Variants in ATP10D observed in about 807,000 individuals in gnomAD.
ATP10D encodes the protein phospholipid-transporting ATPase VD.
A neutral mutation model predicts 144.8 loss-of-function variants in ATP10D; 89 were observed. The observed-to-expected ratio is 0.61, with a 90% CI of 0.52 to 0.73. The LOEUF (loss-of-function observed/expected upper bound fraction) is 0.73, where lower values mean the gene tolerates loss of function less well. Among genes scored for constraint, ATP10D ranks in the 30% least tolerant of loss-of-function variants. The pLI, the probability that ATP10D is intolerant of heterozygous loss-of-function variation, is 0.00. For synonymous variants in ATP10D, 571 were observed against 615.1 expected, an observed-to-expected ratio of 0.93 and a Z score of 1.06; for missense variants, 1,603 against 1,714.8, an observed-to-expected ratio of 0.93 and a Z score of 1.15.
chr4:47,504,728 A>G (rs1374328914), intron 1 of ATP10D, among the ~76,000 whole-genome samples: 1 of 152,084 alleles, frequency 6.6e-6, no homozygotes, highest in Non-Finnish European at 1.5e-5. Context: ...ACGCCTGGCT[A>G]ATTTTTTTGC....
At chr4:47,490,860 A>G in intron 1 of ATP10D, 1 of 374,830 alleles carries the variant, frequency 2.7e-6, no homozygotes. Flanking sequence ...CACATTATTC[A>G]GGTTTTCCAG....
At chr4:47,513,146 T>G (rs1233293739) in intron 2 of ATP10D, among the ~76,000 whole-genome samples, 4 of 152,226 alleles carry the variant, frequency 2.6e-5, no homozygotes, top group African/African-American at 7.2e-5. Context: ...GGGGGTCTTC[T>G]TACTCTTGCT....
chr4:47,514,231 T>C (rs1021859923), intron 2 of ATP10D, among the ~76,000 whole-genome samples: 1 of 152,260 alleles, frequency 6.6e-6, no homozygotes, highest in Admixed American at 6.5e-5. Context: ...ATAGTGGCTA[T>C]GTTTAAAGGA....
chr4:47,512,990 A>C, intron 2 of ATP10D, 160 bp downstream of exon 2: 1 of 675,070 alleles, frequency 1.5e-6, no homozygotes, highest in Non-Finnish European at 2.4e-6. Flanking sequence ...GACTCCTCCC[A>C]TTCACGTAGC....
chr4:47,495,317 TA>T (rs200277047), intron 1 of ATP10D, among the ~76,000 whole-genome samples: 1 of 150,876 alleles, frequency 6.6e-6, no homozygotes. Context: ...AGTTGTGCTT[TA>T]AAAAAAAAGG....
Position 47,505,363 on chromosome 4 carries a change from T to C in ATP10D, c.-37-7141T>C, listed in dbSNP as rs534901391. 4.1e-4 allele frequency among the ~76,000 whole-genome samples: 63 copies of C among 152,354 alleles called. 1 individual carries two copies. The highest frequency in any genetic ancestry group is 1.4e-3 in the African/African-American group (59 of 41,582). On this transcript the variant is annotated intron_variant, in intron 1 of 22. Coordinates refer to ENST00000273859, the MANE Select transcript of ATP10D (RefSeq NM_020453.4). ...CAGGACCAGCAGCATCAGTACTATC[T>C]GCAAGTGTGTTAGACATGCAGACTC...
At chr4:47,585,879 T>C (rs935082653) in intron 21 of ATP10D, among the ~76,000 whole-genome samples, 11 of 152,112 alleles carry the variant, frequency 7.2e-5, no homozygotes, top group African/African-American at 2.7e-4. Flanking sequence ...TACCACAGTT[T>C]TTTATCCATT....
intron 1 of ATP10D, among the ~76,000 whole-genome samples, chr4:47,505,934 C>T (rs1268370997): frequency 6.6e-6 from 1 of 151,894 alleles, no homozygotes; most frequent in Non-Finnish European, 1.5e-5. Flanking sequence ...TAACTGAGCC[C>T]AAGAGAATTC....
At chr4:47,536,607 C>G in intron 8 of ATP10D, 43 bp downstream of exon 8, 1 of 1,606,462 alleles carries the variant, frequency 6.2e-7, no homozygotes. Flanking sequence ...AACATCTTTG[C>G]TGCTTATCCA....
intron 21 of ATP10D, among the ~76,000 whole-genome samples, chr4:47,585,138 C>A (rs1294972965): frequency 2.6e-5 from 4 of 152,040 alleles, no homozygotes; most frequent in African/African-American, 9.7e-5. Context: ...AGAGGTATCT[C>A]ATTTGATGCT....
chr4:47,555,183 T>C (rs1270027449), intron 11 of ATP10D, among the ~76,000 whole-genome samples: 10 of 152,210 alleles, frequency 6.6e-5, no homozygotes. Flanking sequence ...TGAGCATTAC[T>C]GCCTGAGCCC....
intron 2 of ATP10D, among the ~76,000 whole-genome samples, chr4:47,514,583 A>G (rs1352364559): frequency 1.3e-5 from 2 of 152,202 alleles, no homozygotes; most frequent in African/African-American, 4.8e-5. Flanking sequence ...GGGTGTCTTG[A>G]ACTTACCATA....
chr4:47,568,975 A>G lies in ATP10D; in HGVS notation c.2992A>G (p.Ile998Val), dbSNP rs1344693454. The change falls in exon 16 of 23, where the codon ATT becomes GTT. Residue 998 changes from isoleucine to valine, a missense_variant. Ile to Val is a conservative substitution (Grantham distance 29). Coordinates refer to ENST00000273859, the MANE Select transcript of ATP10D (RefSeq NM_020453.4). ...GGACTCAGGGTTACGAGCTGGACTC[A>G]TTATCACTGGGAAGACCCTGGAGTT... ...PRDSGLRAGLIITGKTLEFAL... is the reference protein window; with the variant it reads ...PRDSGLRAGLVITGKTLEFAL... The G allele has an allele frequency of 6.2e-7, 1 of 1,614,068 alleles. No homozygotes were observed. Among genetic ancestry groups the G allele is most frequent in the Non-Finnish European group, 8.5e-7 (1 of 1,180,044 alleles).
intron 1 of ATP10D, among the ~76,000 whole-genome samples, chr4:47,492,061 T>G (rs1382406774): frequency 6.6e-6 from 1 of 152,206 alleles, no homozygotes; most frequent in Non-Finnish European, 1.5e-5. Flanking sequence ...TTCCCTGGTT[T>G]ATTTCCAGTA....
At chr4:47,560,040 C>T (rs1339317208) in intron 13 of ATP10D, among the ~76,000 whole-genome samples, 3 of 151,950 alleles carry the variant, frequency 2.0e-5, no homozygotes, top group Non-Finnish European at 4.4e-5. Context: ...CTGCCCCACA[C>T]ACAGTTAAAG....
chr4:47,585,099 T>A (rs777385696), intron 21 of ATP10D, among the ~76,000 whole-genome samples: 2 of 152,172 alleles, frequency 1.3e-5, no homozygotes, highest in Non-Finnish European at 2.9e-5. Context: ...GTGAAGGTAA[T>A]TCTGTTTTCA....
chr4:47,503,166 C>T (rs1715807811), intron 1 of ATP10D, among the ~76,000 whole-genome samples: 1 of 152,164 alleles, frequency 6.6e-6, no homozygotes, highest in Admixed American at 6.5e-5. Context: ...CGGACCACTG[C>T]ACTCCAGCCT....
At chr4:47,587,254 A>G in intron 22 of ATP10D, 48 bp downstream of exon 22, 1 of 1,538,176 alleles carries the variant, frequency 6.5e-7, no homozygotes. Context: ...ATCATAGGCT[A>G]AGAATCCTTC....
chr4:47,514,269 T>C (rs1358580137), intron 2 of ATP10D, among the ~76,000 whole-genome samples: 4 of 152,228 alleles, frequency 2.6e-5, no homozygotes, highest in Non-Finnish European at 5.9e-5. Flanking sequence ...AATTAATGGC[T>C]ATGTAGCCCT....
Sources: allele counts gnomAD v4.1 joint callset (sites outside exome capture counted in the v4.1 genomes callset), GRCh38; gene constraint gnomAD v4.1.1; transcripts MANE v1.5; gene names NCBI Gene and HGNC (gene_info 2026-07-23, HGNC 2026-07-21).